ADGRL3: variants seen among roughly 807,000 people sequenced by gnomAD.
ADGRL3 encodes the protein calcium-independent alpha-latrotoxin receptor 3.
ADGRL3 carries 62 observed loss-of-function variants against 153.5 expected under a neutral mutation model. That is an observed-to-expected ratio of 0.40 (90% CI 0.33 to 0.50). The LOEUF (loss-of-function observed/expected upper bound fraction) is 0.50, where lower values mean the gene tolerates loss of function less well. Among genes scored for constraint, ADGRL3 ranks in the 20% least tolerant of loss-of-function variants. The pLI, the probability that ADGRL3 is intolerant of heterozygous loss-of-function variation, is 0.47. For missense variants in ADGRL3, 1,641 were observed against 1,859.4 expected (o/e 0.88, Z 2.16); for synonymous variants, 710 against 672.5 (o/e 1.06, Z -0.86).
At chr4:61,875,060 G>T (rs2098467459) in intron 9 of ADGRL3, among the ~76,000 whole-genome samples, 1 of 150,920 alleles carries the variant, frequency 6.6e-6, no homozygotes, top group African/African-American at 2.4e-5. Context: ...CACCCGCCTC[G>T]GCCTCCCAAA....
chr4:61,628,290 C>G (rs750434643), intron 5 of ADGRL3, among the ~76,000 whole-genome samples: 1 of 152,150 alleles, frequency 6.6e-6, no homozygotes, highest in Non-Finnish European at 1.5e-5. Flanking sequence ...CAGTTCTGTC[C>G]TAGAGTCTCT....
intron 4 of ADGRL3, among the ~76,000 whole-genome samples, chr4:61,537,104 T>G (rs2098661427): frequency 6.6e-6 from 1 of 152,078 alleles, no homozygotes; most frequent in Non-Finnish European, 1.5e-5. Context: ...AACATTTGCT[T>G]GTCTGGGAAA....
intron 9 of ADGRL3, among the ~76,000 whole-genome samples, chr4:61,858,488 G>T (rs889967050): frequency 6.6e-6 from 1 of 152,104 alleles, no homozygotes; most frequent in Non-Finnish European, 1.5e-5. Context: ...TGGCGTAGTG[G>T]CGCGTGCATG....
At chr4:61,808,418 A>G (rs1474862019) in intron 8 of ADGRL3, among the ~76,000 whole-genome samples, 2 of 152,174 alleles carry the variant, frequency 1.3e-5, no homozygotes, top group Non-Finnish European at 2.9e-5. Context: ...TATGTTTCGG[A>G]TAAGTCAAGC....
At chr4:61,256,450 T>C (rs1018721927) in intron 1 of ADGRL3, among the ~76,000 whole-genome samples, 2 of 152,222 alleles carry the variant, frequency 1.3e-5, no homozygotes, top group Non-Finnish European at 1.5e-5. Flanking sequence ...GTGAGTTTTT[T>C]TCTGAACTGG....
chr4:62,041,892 C>G (rs996926526), intron 24 of ADGRL3, among the ~76,000 whole-genome samples: 2 of 151,998 alleles, frequency 1.3e-5, no homozygotes, highest in African/African-American at 2.4e-5. Flanking sequence ...TTGTTAACCT[C>G]CTGCACTCAG....
intron 17 of ADGRL3, among the ~76,000 whole-genome samples, chr4:61,978,584 C>G (rs909864811): frequency 6.6e-6 from 1 of 152,074 alleles, no homozygotes; most frequent in Non-Finnish European, 1.5e-5. Context: ...ATTTGTTGGG[C>G]CTCTGTAAAT....
At chr4:61,568,249 AGCAAGACAT>A (rs1168418280) in intron 4 of ADGRL3, among the ~76,000 whole-genome samples, 3 of 152,164 alleles carry the variant, frequency 2.0e-5, no homozygotes, top group Non-Finnish European at 2.9e-5. Context: ...AGGCTTCTCC[AGCAAGACAT>A]GCCCAAACAA....
intron 4 of ADGRL3, among the ~76,000 whole-genome samples, chr4:61,567,141 G>C (rs1489940199): frequency 2.6e-5 from 4 of 152,182 alleles, no homozygotes; most frequent in Non-Finnish European, 5.9e-5. Context: ...GAGTTCATCA[G>C]CTCTGTAATT....
intron 2 of ADGRL3, among the ~76,000 whole-genome samples, chr4:61,451,151 A>AT (rs774422587): frequency 4.4e-4 from 67 of 152,154 alleles, no homozygotes; most frequent in African/African-American, 1.5e-3. Context: ...AATTGACCCT[A>AT]TTTTTTTAAT....
intron 1 of ADGRL3, among the ~76,000 whole-genome samples, chr4:61,377,750 T>G (rs2096621306): frequency 6.6e-6 from 1 of 151,962 alleles, no homozygotes; most frequent in Non-Finnish European, 1.5e-5. Flanking sequence ...TTTAGCTCAC[T>G]CTTCTTTTTC....
At chr4:61,960,429 G>A (rs1463411825) in intron 17 of ADGRL3, among the ~76,000 whole-genome samples, 1 of 152,118 alleles carries the variant, frequency 6.6e-6, no homozygotes, top group African/African-American at 2.4e-5. Flanking sequence ...GAGAGAGTAT[G>A]TTAGCAGAAC....
intron 1 of ADGRL3, among the ~76,000 whole-genome samples, chr4:61,357,835 G>GA (rs923030128): frequency 2.0e-5 from 3 of 151,718 alleles, no homozygotes; most frequent in Non-Finnish European, 4.4e-5. Flanking sequence ...ACACTTCTAT[G>GA]AAAAAAAATC....
At chr4:61,593,332 A>G (rs957476466) in intron 5 of ADGRL3, among the ~76,000 whole-genome samples, 10 of 152,022 alleles carry the variant, frequency 6.6e-5, no homozygotes, top group African/African-American at 2.4e-4. Flanking sequence ...TCTTTGGCCT[A>G]CTGTTACCAG....
intron 6 of ADGRL3, among the ~76,000 whole-genome samples, chr4:61,697,481 C>T (rs2095663255): frequency 6.6e-6 from 1 of 151,410 alleles, no homozygotes. Context: ...ATTGCTTGGA[C>T]CTAGGAGGCA....
chr4:61,812,389 A>T (rs2097639495), intron 8 of ADGRL3, among the ~76,000 whole-genome samples: 1 of 152,222 alleles, frequency 6.6e-6, no homozygotes, highest in African/African-American at 2.4e-5. Flanking sequence ...AATGTGCCTC[A>T]TAAGAGGAAT....
chr4:62,001,863 G>C (rs969328236), intron 21 of ADGRL3, among the ~76,000 whole-genome samples: 4 of 152,042 alleles, frequency 2.6e-5, no homozygotes, highest in Non-Finnish European at 5.9e-5. Context: ...AGGCCCCCTT[G>C]TTCAATTCAT....
At chr4:61,507,680 G>A (rs1354616220) in intron 3 of ADGRL3, among the ~76,000 whole-genome samples, 2 of 152,076 alleles carry the variant, frequency 1.3e-5, no homozygotes, top group Non-Finnish European at 2.9e-5. Flanking sequence ...TGTTGAGAAG[G>A]GTGGATGGGT....
chr4:62,009,139 CAT>C (rs1326833473), intron 21 of ADGRL3, among the ~76,000 whole-genome samples: 1 of 152,146 alleles, frequency 6.6e-6, no homozygotes, highest in African/African-American at 2.4e-5. Flanking sequence ...TTAAATGACA[CAT>C]GACTGTATAT....
Sources: allele counts gnomAD v4.1 joint callset (sites outside exome capture counted in the v4.1 genomes callset), GRCh38; gene constraint gnomAD v4.1.1; transcripts MANE v1.5; gene names NCBI Gene and HGNC (gene_info 2026-07-23, HGNC 2026-07-21).